AMPH: variants seen among roughly 807,000 people sequenced by gnomAD.
AMPH encodes the protein amphiphysin (Stiff-Mann syndrome with breast cancer 128kD autoantigen).
In AMPH, 49 loss-of-function variants were observed where a neutral mutation model predicts 99.1. That is an observed-to-expected ratio of 0.49 (90% CI 0.39 to 0.63). AMPH has a LOEUF of 0.63. Among genes scored for constraint, AMPH ranks in the 20% least tolerant of loss-of-function variants. The pLI, the probability that AMPH is intolerant of heterozygous loss-of-function variation, is 0.00. For missense variants in AMPH, 759 were observed against 863.4 expected (o/e 0.88, Z 1.52); for synonymous variants, 314 against 317.3 (o/e 0.99, Z 0.11).
chr7:38,396,513 G>C (rs780862324), intron 17 of AMPH, among the ~76,000 whole-genome samples: 3 of 152,120 alleles, frequency 2.0e-5, no homozygotes, highest in Non-Finnish European at 4.4e-5. Flanking sequence ...CATGAAAATG[G>C]ACTAATACAA....
intron 17 of AMPH, among the ~76,000 whole-genome samples, chr7:38,414,332 CTAAGAACGTCTT>C (rs1785303003): frequency 6.6e-6 from 1 of 152,160 alleles, no homozygotes; most frequent in East Asian, 1.9e-4. Flanking sequence ...CCCAACAATT[CTAAGAACGTCTT>C]TACCACAGTC....
At chr7:38,411,807 G>A (rs1785224858) in intron 17 of AMPH, among the ~76,000 whole-genome samples, 1 of 152,156 alleles carries the variant, frequency 6.6e-6, no homozygotes, top group African/African-American at 2.4e-5. Context: ...CTACCCAATT[G>A]TGTTGATGAC....
chr7:38,618,597 C>T (rs541081465), intron 1 of AMPH, among the ~76,000 whole-genome samples: 1 of 151,904 alleles, frequency 6.6e-6, no homozygotes, highest in African/African-American at 2.4e-5. Flanking sequence ...TTGACAATCA[C>T]AATACAACAA....
chr7:38,456,724 G>C (rs552862618), intron 11 of AMPH, among the ~76,000 whole-genome samples: 138 of 152,262 alleles, frequency 9.1e-4, no homozygotes, highest in African/African-American at 3.2e-3. Context: ...TTGAGAACCT[G>C]ACCACACACT....
intron 19 of AMPH, among the ~76,000 whole-genome samples, chr7:38,391,320 G>A (rs1313518345): frequency 1.3e-5 from 2 of 152,118 alleles, no homozygotes; most frequent in Non-Finnish European, 1.5e-5. Context: ...ATATTTATGG[G>A]CTCCCTACTC....
At chr7:38,469,483 G>A (rs1200844470) in intron 7 of AMPH, among the ~76,000 whole-genome samples, 1 of 152,302 alleles carries the variant, frequency 6.6e-6, no homozygotes, top group Admixed American at 6.5e-5. Context: ...GGGAGTGTCA[G>A]TGCTTCCTGC....
intron 1 of AMPH, among the ~76,000 whole-genome samples, chr7:38,585,695 C>A (rs1792620113): frequency 6.6e-6 from 1 of 152,216 alleles, no homozygotes; most frequent in South Asian, 2.1e-4. Flanking sequence ...TCCACCGTGC[C>A]AGTGGAATTT....
intron 1 of AMPH, among the ~76,000 whole-genome samples, chr7:38,540,037 C>A (rs1460330953): frequency 1.3e-5 from 2 of 152,156 alleles, no homozygotes; most frequent in Non-Finnish European, 2.9e-5. Context: ...GTTGAAAACA[C>A]CAATTAAACC....
intron 1 of AMPH, among the ~76,000 whole-genome samples, chr7:38,604,890 T>C (rs1357698973): frequency 6.6e-6 from 1 of 152,192 alleles, no homozygotes; most frequent in Non-Finnish European, 1.5e-5. Flanking sequence ...ATAGTTTTCT[T>C]TATTTGGAGG....
chr7:38,617,532 G>C (rs998396461), intron 1 of AMPH, among the ~76,000 whole-genome samples: 3 of 152,204 alleles, frequency 2.0e-5, no homozygotes, highest in Non-Finnish European at 4.4e-5. Flanking sequence ...CAAATCCTGA[G>C]GGACCTAGAA....
chr7:38,509,768 G>T (rs558112268), intron 2 of AMPH, among the ~76,000 whole-genome samples: 1 of 152,304 alleles, frequency 6.6e-6, no homozygotes, highest in East Asian at 1.9e-4. Context: ...ACTGGTAGGG[G>T]AGAAGCACGG....
At chr7:38,587,814 C>T (rs1394291752) in intron 1 of AMPH, among the ~76,000 whole-genome samples, 1 of 152,046 alleles carries the variant, frequency 6.6e-6, no homozygotes, top group Non-Finnish European at 1.5e-5. Context: ...CTAACCCTAA[C>T]CTACAGTATT....
chr7:38,631,237 C>T, intron 1 of AMPH, 46 bp downstream of exon 1: 1 of 1,493,742 alleles, frequency 6.7e-7, no homozygotes, highest in East Asian at 2.9e-5. Context: ...CCGGCCAAGC[C>T]CCCGCCTGGC....
chr7:38,578,039 T>C (rs913976849), intron 1 of AMPH, among the ~76,000 whole-genome samples: 47 of 152,222 alleles, frequency 3.1e-4, no homozygotes, highest in Non-Finnish European at 6.6e-4. Context: ...TACTTAGTGA[T>C]AAATGACAGA....
intron 16 of AMPH, among the ~76,000 whole-genome samples, chr7:38,421,314 A>G (rs1785574578): frequency 6.6e-6 from 1 of 152,336 alleles, no homozygotes. Context: ...CTCATAAACC[A>G]TTCATGATTG....
chr7:38,439,261 A>C (rs754020260), intron 11 of AMPH, among the ~76,000 whole-genome samples: 1 of 152,222 alleles, frequency 6.6e-6, no homozygotes, highest in Non-Finnish European at 1.5e-5. Context: ...TCTTTATAGC[A>C]GTGTGAAAAT....
At chr7:38,489,284 A>G (rs1018412572) in intron 5 of AMPH, among the ~76,000 whole-genome samples, 1 of 152,254 alleles carries the variant, frequency 6.6e-6, no homozygotes, top group South Asian at 2.1e-4. Flanking sequence ...AAAACTGGAT[A>G]TTTACATGCC....
intron 2 of AMPH, among the ~76,000 whole-genome samples, chr7:38,519,550 A>G (rs1789875556): frequency 6.6e-6 from 1 of 152,242 alleles, no homozygotes; most frequent in Admixed American, 6.5e-5. Context: ...CTTGGACTTA[A>G]AGACAAGAAA....
chr7:38,571,693 T>A (rs1010015127), intron 1 of AMPH, among the ~76,000 whole-genome samples: 7 of 151,476 alleles, frequency 4.6e-5, no homozygotes, highest in Non-Finnish European at 1.0e-4. Flanking sequence ...TTAAAATGTT[T>A]ATAAAGTAAA....
Sources: allele counts gnomAD v4.1 joint callset (sites outside exome capture counted in the v4.1 genomes callset), GRCh38; gene constraint gnomAD v4.1.1; transcripts MANE v1.5; gene names NCBI Gene and HGNC (gene_info 2026-07-23, HGNC 2026-07-21).